The following ATP11C variants were observed in gnomAD, a reference collection of about 807,000 sequenced individuals.
ATP11C encodes the protein ATPase phospholipid transporting 11C (ATP11C blood group).
In ATP11C, 36 loss-of-function variants were observed where a neutral mutation model predicts 97.4. The ratio of observed to expected loss-of-function variants is 0.37; its 90% CI spans 0.28 to 0.49. The LOEUF is 0.49. ATP11C is among the 20% of genes least tolerant of loss of function. The pLI is 0.98. For synonymous variants in ATP11C, 275 were observed against 290.9 expected (o/e 0.95, Z 0.56); for missense variants, 730 against 824.6 (o/e 0.89, Z 1.40).
chrX:139,867,010 T>C (rs1039989023), intron 1 of ATP11C, among the ~76,000 whole-genome samples: 1 of 111,832 alleles, frequency 8.9e-6, no homozygotes, highest in Admixed American at 9.5e-5. Context: ...CACTCGAGCC[T>C]GGGAGTTTGA....
At chrX:139,804,635 C>G in intron 5 of ATP11C, 36 bp from the exon 6 acceptor site, 1 of 1,105,391 alleles carries the variant, frequency 9.0e-7, no homozygotes, top group Non-Finnish European at 1.2e-6. Flanking sequence ...ATTTTAAATT[C>G]CAAACAAAGC....
chrX:139,899,472 G>A (rs1357033091), intron 1 of ATP11C, among the ~76,000 whole-genome samples: 3 of 103,485 alleles, frequency 2.9e-5, no homozygotes, highest in Non-Finnish European at 3.9e-5. Flanking sequence ...GCAAGACTGC[G>A]TCTCAAAAAA....
At chrX:139,845,911 T>C (rs2147939121) in intron 1 of ATP11C, among the ~76,000 whole-genome samples, 1 of 112,388 alleles carries the variant, frequency 8.9e-6, no homozygotes, top group South Asian at 3.6e-4. Flanking sequence ...TGGGAATAAT[T>C]ACGTTTAAGA....
At chrX:139,918,657 C>A (rs1161143217) in intron 1 of ATP11C, among the ~76,000 whole-genome samples, 1 of 72,111 alleles carries the variant, frequency 1.4e-5, no homozygotes, top group East Asian at 4.5e-4. Context: ...GCCTGGGTGA[C>A]AGACTGAAAC....
intron 22 of ATP11C, among the ~76,000 whole-genome samples, chrX:139,760,691 C>T (rs1024984612): frequency 4.5e-5 from 5 of 111,427 alleles, no homozygotes; most frequent in African/African-American, 1.3e-4. Flanking sequence ...CTAACGTATA[C>T]GCTAATGCTT....
intron 1 of ATP11C, among the ~76,000 whole-genome samples, chrX:139,919,812 A>C (rs1226837028): frequency 9.0e-6 from 1 of 110,761 alleles, no homozygotes. Context: ...CCAGCTACTC[A>C]GGAGGCTGAG....
At chrX:139,811,530 C>T (rs1297935258) in intron 5 of ATP11C, among the ~76,000 whole-genome samples, 1 of 111,059 alleles carries the variant, frequency 9.0e-6, no homozygotes, top group Non-Finnish European at 1.9e-5. Context: ...CTCAGTTGCT[C>T]AGGCCAAAAC....
chrX:139,865,851 A>C (rs1426405719), intron 1 of ATP11C, among the ~76,000 whole-genome samples: 1 of 111,110 alleles, frequency 9.0e-6, no homozygotes, highest in Non-Finnish European at 1.9e-5. Flanking sequence ...CTTACAAAGA[A>C]TTATTTGATA....
At chrX:139,846,416 GTAAATGT>G (rs1349576146) in intron 1 of ATP11C, among the ~76,000 whole-genome samples, 1 of 112,297 alleles carries the variant, frequency 8.9e-6, no homozygotes, top group African/African-American at 3.2e-5. Context: ...AACTGGCTTT[GTAAATGT>G]TAAAGTAAGG....
At chrX:139,773,260 C>A (rs2082288834) in intron 19 of ATP11C, among the ~76,000 whole-genome samples, 1 of 111,415 alleles carries the variant, frequency 9.0e-6, no homozygotes, top group Non-Finnish European at 1.9e-5. Context: ...TCCAATTAAA[C>A]CTCTTTTTGT....
chrX:139,797,327 C>G lies in ATP11C; in HGVS notation c.858-1G>C. 1 of 1,147,799 alleles carries G rather than the reference C, an allele frequency of 8.7e-7. No individual in the cohort carries two copies. The highest frequency in any genetic ancestry group is 1.2e-6 in the Non-Finnish European group (1 of 854,626). The allele number at this position is 1,147,799 out of a possible 1,213,427, so 94.6% of individuals were successfully genotyped here. A position where few individuals can be genotyped will look rare whatever the true frequency, so the allele number is the denominator to read the frequency against. On this transcript the variant is annotated splice_acceptor_variant, in intron 10 of 29. Coordinates refer to ENST00000682941, the MANE Select transcript of ATP11C (RefSeq NM_001353812.2). LOFTEE classifies it high-confidence loss of function. ...TACAATCAGGAAAGCATTAATAGATCTGAAAAATAAGATAGCATGGATTTT... is the reference window on the plus strand; with the variant it reads ...TACAATCAGGAAAGCATTAATAGATGTGAAAAATAAGATAGCATGGATTTT...
At chrX:139,855,433 C>T (rs1379826417) in intron 1 of ATP11C, among the ~76,000 whole-genome samples, 1 of 111,301 alleles carries the variant, frequency 9.0e-6, no homozygotes, top group African/African-American at 3.3e-5. Flanking sequence ...AAGGAAAACT[C>T]GAGCCAGCCT....
intron 28 of ATP11C, among the ~76,000 whole-genome samples, chrX:139,736,941 T>C (rs144386521): frequency 1.9e-3 from 211 of 111,663 alleles, no homozygotes; most frequent in Non-Finnish European, 1.9e-3. Context: ...CTATGTAATA[T>C]CAACTACTGG....
At chrX:139,931,924 C>G (rs1346955036) in intron 1 of ATP11C, 92 bp downstream of exon 1, 28 of 1,012,482 alleles carry the variant, frequency 2.8e-5, no homozygotes, top group Non-Finnish European at 3.6e-5. Context: ...AGAGACGTAA[C>G]TGCCCCCTCA....
chrX:139,763,831 T>C lies in ATP11C; in HGVS notation c.2392-413A>G, dbSNP rs1029530042. Among the ~76,000 whole-genome samples the C allele has an allele frequency of 2.7e-5, 3 of 112,199 alleles. No individual in the cohort carries two copies. In the Admixed American group the frequency reaches 2.8e-4, roughly 11 times the overall value. ...GGAGGGCCAACTGTAATATGTACAA[T>C]AGTGTCAAATTCACAGATGCAGAAC... On this transcript the variant is annotated intron_variant, in intron 20 of 29. Coordinates refer to ENST00000682941, the MANE Select transcript of ATP11C (RefSeq NM_001353812.2).
intron 12 of ATP11C, among the ~76,000 whole-genome samples, chrX:139,790,373 A>C (rs1168078261): frequency 2.7e-5 from 3 of 110,916 alleles, no homozygotes; most frequent in Non-Finnish European, 5.7e-5. Context: ...CCAGCCAGTT[A>C]ACCTGTTTGA....
intron 1 of ATP11C, among the ~76,000 whole-genome samples, chrX:139,841,208 T>C (rs1662304766): frequency 8.9e-6 from 1 of 112,285 alleles, no homozygotes; most frequent in Non-Finnish European, 1.9e-5. Context: ...TGCTCACTAA[T>C]AAATGAGTAA....
At chrX:139,817,464 G>A (rs138698779) in intron 3 of ATP11C, among the ~76,000 whole-genome samples, 1 of 112,871 alleles carries the variant, frequency 8.9e-6, no homozygotes, top group East Asian at 2.8e-4. Flanking sequence ...GGAGTGTGGT[G>A]TGAGATGGGG....
At chrX:139,931,081 C>G (rs1354255737) in intron 1 of ATP11C, among the ~76,000 whole-genome samples, 1 of 112,003 alleles carries the variant, frequency 8.9e-6, no homozygotes, top group Non-Finnish European at 1.9e-5. Context: ...CCCGCCACCA[C>G]CTCTTGCAAT....
Sources: gnomAD v4.1 joint callset for allele counts (sites outside exome capture counted in the v4.1 genomes callset) on GRCh38, gnomAD v4.1.1 for gene constraint, MANE v1.5 for transcripts, NCBI Gene and HGNC (gene_info 2026-07-23, HGNC 2026-07-21) for gene names.